PAK3: variants seen among roughly 807,000 people sequenced by gnomAD.
PAK3 encodes the protein serine/threonine-protein kinase PAK 3.
Under a neutral mutation model 41.0 loss-of-function variants are expected in PAK3, and 4 were observed. That is an observed-to-expected ratio of 0.10 (90% CI 0.05 to 0.22). The LOEUF (loss-of-function observed/expected upper bound fraction) is 0.22, where lower values mean the gene tolerates loss of function less well. PAK3 is among the 10% of genes least tolerant of loss of function. PAK3 has a pLI of 1.00. For missense variants in PAK3, 205 were observed against 409.9 expected, an observed-to-expected ratio of 0.50 and a Z score of 4.32; for synonymous variants, 146 against 139.6, an observed-to-expected ratio of 1.05 and a Z score of -0.32.
intron 1 of PAK3, among the ~76,000 whole-genome samples, chrX:111,031,524 G>T (rs893907313): frequency 8.9e-6 from 1 of 111,985 alleles, no homozygotes; most frequent in African/African-American, 3.2e-5. Flanking sequence ...GACATTTGGT[G>T]AACAAAATCA....
chrX:110,984,120 T>C (rs2148659371), intron 1 of PAK3, among the ~76,000 whole-genome samples: 1 of 111,982 alleles, frequency 8.9e-6, no homozygotes, highest in African/African-American at 3.2e-5. Flanking sequence ...GTATGGATGT[T>C]CAGGTTGTAT....
At chrX:111,058,445 A>T (rs1204911622) in intron 1 of PAK3, among the ~76,000 whole-genome samples, 1 of 111,457 alleles carries the variant, frequency 9.0e-6, no homozygotes, top group Non-Finnish European at 1.9e-5. Context: ...ATAATGTTGA[A>T]TATCTTTTTG....
chrX:111,137,594 C>G (rs911275119), intron 5 of PAK3, among the ~76,000 whole-genome samples: 1 of 111,242 alleles, frequency 9.0e-6, no homozygotes, highest in African/African-American at 3.3e-5. Flanking sequence ...AAAAGAACTG[C>G]AGAACATTGG....
At chrX:111,174,187 CTA>C (rs1274644387) in intron 11 of PAK3, among the ~76,000 whole-genome samples, 1 of 111,884 alleles carries the variant, frequency 8.9e-6, no homozygotes, top group African/African-American at 3.2e-5. Context: ...ATAAGCTTGA[CTA>C]TTTTTCATGA....
chrX:111,028,626 T>TA (rs2148743740), intron 1 of PAK3, among the ~76,000 whole-genome samples: 1 of 112,017 alleles, frequency 8.9e-6, no homozygotes, highest in African/African-American at 3.2e-5. Flanking sequence ...GTCAGCTAGA[T>TA]ACATCTGTTA....
chrX:111,100,827 T>A (rs781554399), intron 3 of PAK3, among the ~76,000 whole-genome samples: 36 of 110,734 alleles, frequency 3.3e-4, no homozygotes, highest in African/African-American at 1.1e-3. Context: ...GGGTTAGTGA[T>A]GGGTATTGGG....
intron 1 of PAK3, among the ~76,000 whole-genome samples, chrX:111,072,266 G>A (rs1396452832): frequency 8.9e-6 from 1 of 112,738 alleles, no homozygotes; most frequent in Non-Finnish European, 1.9e-5. Flanking sequence ...TGCCAAATAA[G>A]TTTTATAATT....
At chrX:111,008,193 A>G (rs749013943) in intron 1 of PAK3, among the ~76,000 whole-genome samples, 1 of 112,140 alleles carries the variant, frequency 8.9e-6, no homozygotes, top group Non-Finnish European at 1.9e-5. Context: ...ATCTTGGATG[A>G]GTTGCTTTGT....
At chrX:111,074,286 G>T (rs758030645) in intron 1 of PAK3, among the ~76,000 whole-genome samples, 1 of 111,405 alleles carries the variant, frequency 9.0e-6, no homozygotes, top group South Asian at 3.9e-4. Context: ...GGAGGTTATT[G>T]GATCATGGGG....
At chrX:111,054,074 A>G (rs1157290218) in intron 1 of PAK3, among the ~76,000 whole-genome samples, 1 of 111,596 alleles carries the variant, frequency 9.0e-6, no homozygotes, top group Non-Finnish European at 1.9e-5. Flanking sequence ...TGGACTCTCC[A>G]ATACAACGAA....
Position 111,136,833 on chromosome X carries a change from TC to T in PAK3, c.176-5259del, listed in dbSNP as rs758090564. Among the ~76,000 whole-genome samples, 4 of 112,033 alleles carry T rather than the reference TC, an allele frequency of 3.6e-5. No individual in the cohort carries two copies. The East Asian group carries it at 8.5e-4, about 24-fold the overall frequency. On this transcript the variant is annotated intron_variant, in intron 5 of 17. Coordinates refer to ENST00000372007, the MANE Select transcript of PAK3 (RefSeq NM_002578.5). ...TAAAAATTCATTTGCCCAGGTTTCA[TC>T]CCCAGAAATCCTGATATAGTAGGTT...
chrX:111,147,454 G>C (rs2093962588), intron 6 of PAK3, among the ~76,000 whole-genome samples: 2 of 110,225 alleles, frequency 1.8e-5, no homozygotes, highest in Non-Finnish European at 3.8e-5. Context: ...TGGATGAGCA[G>C]AGTCAATATG....
chrX:110,981,743 A>T (rs2148655910), intron 1 of PAK3, among the ~76,000 whole-genome samples: 1 of 111,991 alleles, frequency 8.9e-6, no homozygotes, highest in African/African-American at 3.2e-5. Context: ...TGAGACCCTA[A>T]GTAGAAGATT....
chrX:111,068,830 T>C (rs1422720170), intron 1 of PAK3, among the ~76,000 whole-genome samples: 1 of 112,614 alleles, frequency 8.9e-6, no homozygotes, highest in Non-Finnish European at 1.9e-5. Context: ...AATTCAAGAG[T>C]TATTTAAAAG....
At chrX:111,114,658 CA>C (rs1445916809) in intron 4 of PAK3, among the ~76,000 whole-genome samples, 2 of 111,823 alleles carry the variant, frequency 1.8e-5, no homozygotes, top group African/African-American at 6.5e-5. Context: ...CTAAAGGCCA[CA>C]AAACCAACTG....
chrX:111,105,251 C>G (rs933301713), intron 4 of PAK3, among the ~76,000 whole-genome samples: 1 of 111,840 alleles, frequency 8.9e-6, no homozygotes, highest in Non-Finnish European at 1.9e-5. Flanking sequence ...ACACTCACAC[C>G]TTTGTGCTAT....
intron 8 of PAK3, among the ~76,000 whole-genome samples, chrX:111,159,192 A>G (rs950479670): frequency 1.8e-5 from 2 of 111,434 alleles, no homozygotes; most frequent in Non-Finnish European, 1.9e-5. Flanking sequence ...CATTGTAAAT[A>G]CTCAAGAATT....
chrX:111,053,148 AG>A (rs2092574321), intron 1 of PAK3, among the ~76,000 whole-genome samples: 1 of 111,249 alleles, frequency 9.0e-6, no homozygotes, highest in South Asian at 3.8e-4. Context: ...TTCTTCCAGG[AG>A]GGAACTGAGG....
chrX:111,187,253 T>C (rs2094520083), intron 11 of PAK3, among the ~76,000 whole-genome samples: 1 of 111,953 alleles, frequency 8.9e-6, no homozygotes, highest in South Asian at 3.7e-4. Context: ...ATTTTTTTGT[T>C]ATGAATTTTG....
Sources: gnomAD v4.1 joint callset for allele counts (sites outside exome capture counted in the v4.1 genomes callset) on GRCh38, gnomAD v4.1.1 for gene constraint, MANE v1.5 for transcripts, NCBI Gene and HGNC (gene_info 2026-07-23, HGNC 2026-07-21) for gene names.